Variants in ZSCAN25 observed in about 807,000 individuals in gnomAD.
ZSCAN25 encodes zinc finger and SCAN domain-containing protein 25.
In ZSCAN25, 27 loss-of-function variants were observed where a neutral mutation model predicts 38.7. The observed-to-expected ratio is 0.70, with a 90% CI of 0.51 to 0.96. The LOEUF (loss-of-function observed/expected upper bound fraction) is 0.96, where lower values mean the gene tolerates loss of function less well. Ranked by LOEUF, ZSCAN25 falls within the 40% of genes least tolerant of loss-of-function variation. ZSCAN25 has a pLI of 0.00. For missense variants in ZSCAN25, 637 were observed against 705.9 expected (o/e 0.90, Z 1.11); for synonymous variants, 273 against 277.7 (o/e 0.98, Z 0.17).
chr7:99,714,479 A>C, the ZSCAN25 span: 51 of 1,552,124 alleles, frequency 3.3e-5, no homozygotes, highest in Non-Finnish European at 4.2e-5. Context: ...CATACAGGGA[A>C]GTGCACCGAT....
the ZSCAN25 span, among the ~76,000 whole-genome samples, chr7:99,697,194 A>G: frequency 6.6e-6 from 1 of 152,318 alleles, no homozygotes; most frequent in East Asian, 1.9e-4. Flanking sequence ...TCTGCACATC[A>G]AGTATCTCTG....
the ZSCAN25 span, chr7:99,662,950 C>T: frequency 6.3e-7 from 1 of 1,599,118 alleles, no homozygotes; most frequent in African/African-American, 1.3e-5. The surrounding 1 kb of genome is among the most constrained non-coding windows in gnomAD (Gnocchi z 4.3). Context: ...ATCAAAAGTG[C>T]AGTCCTCAAC....
the ZSCAN25 span, chr7:99,705,556 C>T: frequency 6.2e-7 from 1 of 1,613,654 alleles, no homozygotes. Context: ...ATGGGTTTTT[C>T]TGTTAGAAGA....
chr7:99,711,259 A>G, the ZSCAN25 span, among the ~76,000 whole-genome samples: 1 of 152,210 alleles, frequency 6.6e-6, no homozygotes, highest in African/African-American at 2.4e-5. Flanking sequence ...AATATGGGGT[A>G]GTCTTCTCTC....
chr7:99,657,650 G>GT, the ZSCAN25 span, among the ~76,000 whole-genome samples: 3 of 152,146 alleles, frequency 2.0e-5, no homozygotes, highest in Non-Finnish European at 2.9e-5. Flanking sequence ...TTAACTTTCT[G>GT]TCCTGTTGAT....
the ZSCAN25 span, chr7:99,707,934 A>T: frequency 6.2e-7 from 1 of 1,613,974 alleles, no homozygotes; most frequent in Non-Finnish European, 8.5e-7. Context: ...AAGGGTGTGT[A>T]TATGTAAGGA....
the ZSCAN25 span, among the ~76,000 whole-genome samples, chr7:99,694,540 T>C: frequency 1.3e-5 from 2 of 152,144 alleles, no homozygotes; most frequent in Non-Finnish European, 2.9e-5. Flanking sequence ...CATTTCAGGG[T>C]TGATGTTTTA....
At chr7:99,713,392 A>T in the ZSCAN25 span, 1 of 1,598,098 alleles carries the variant, frequency 6.3e-7, no homozygotes. Flanking sequence ...TACCTGGAAT[A>T]CTTCCTGCAC....
the ZSCAN25 span, among the ~76,000 whole-genome samples, chr7:99,697,830 G>A: frequency 6.6e-6 from 1 of 152,140 alleles, no homozygotes; most frequent in South Asian, 2.1e-4. Context: ...CTGAAACCAG[G>A]GTGGCCTTGG....
rs1003791037 is a variant in ZSCAN25 at position 99,630,902 on chromosome 7, A to G, written c.*882A>G. On this transcript the variant is annotated 3_prime_UTR_variant, in exon 8 of 8. Transcript: ENST00000394152. Reference sequence around the variant, plus strand: ...GTTATAATTAAAATGAGTCTGAAAGATGAACTCTAGTATTAATGCCCTATA... The same window carrying G: ...GTTATAATTAAAATGAGTCTGAAAGGTGAACTCTAGTATTAATGCCCTATA... The G allele has an allele frequency of 3.5e-5, 34 of 980,572 alleles. No individual in the cohort carries two copies. In the Admixed American group the frequency reaches 8.0e-4, roughly 23 times the overall value. 60.7% of individuals were successfully genotyped at this position (980,572 alleles called of 1,614,324 possible).
chr7:99,640,662 G>T, the ZSCAN25 span, among the ~76,000 whole-genome samples: 67 of 152,246 alleles, frequency 4.4e-4, no homozygotes, highest in Non-Finnish European at 7.8e-4. Flanking sequence ...TTCCTGTCCT[G>T]CCTGTTTTCT....
At chr7:99,650,286 T>C in the ZSCAN25 span, 1 of 1,561,720 alleles carries the variant, frequency 6.4e-7, no homozygotes, top group Admixed American at 1.7e-5. Context: ...ACCACAGAGT[T>C]ACATGTTAGG....
chr7:99,630,954 A>G lies in ZSCAN25; in HGVS notation c.*934A>G, dbSNP rs1432261524. On this transcript the variant is annotated 3_prime_UTR_variant, in exon 8 of 8. Transcript: ENST00000394152. ...TTGATGGCACTTTATAGTTCATAAA[A>G]TTAATTTCACCCCATTCTCATTGGA... 4.2e-6 allele frequency: 4 copies of G among 959,064 alleles called. No individual in the cohort carries two copies. The East Asian group carries it at 4.6e-4, about 110-fold the overall frequency. The allele number at this position is 959,064 out of a possible 1,614,324, so 59.4% of individuals were successfully genotyped here.
chr7:99,695,876 T>C, the ZSCAN25 span: 2 of 1,585,932 alleles, frequency 1.3e-6, no homozygotes, highest in Non-Finnish European at 1.7e-6. Flanking sequence ...TCAGGGATTG[T>C]GACTTTATAG....
At chr7:99,622,230 A>G (rs1807040478) in intron 5 of ZSCAN25, 3 of 325,886 alleles carry the variant, frequency 9.2e-6, no homozygotes. Context: ...CAGCCCACGT[A>G]GCTTTATTTT....
At chr7:99,736,792 C>T in the ZSCAN25 span, among the ~76,000 whole-genome samples, 2 of 152,168 alleles carry the variant, frequency 1.3e-5, no homozygotes, top group African/African-American at 4.8e-5. Flanking sequence ...CTGGCCTCAG[C>T]AGGTGAACAT....
the ZSCAN25 span, chr7:99,662,853 A>C: frequency 6.2e-7 from 1 of 1,614,000 alleles, no homozygotes; most frequent in Non-Finnish European, 8.5e-7. This position sits in a 1 kb window ranked among gnomAD's most constrained non-coding sequence, Gnocchi z 4.3. Context: ...TCTGGGAGTC[A>C]ATCATCAGCT....
At chr7:99,653,003 T>A in the ZSCAN25 span, among the ~76,000 whole-genome samples, 1 of 152,280 alleles carries the variant, frequency 6.6e-6, no homozygotes, top group South Asian at 2.1e-4. The surrounding 1 kb of genome is among the most constrained non-coding windows in gnomAD (Gnocchi z 4.2). Flanking sequence ...TTCAAGACCA[T>A]CCTCACCCCA....
the ZSCAN25 span, chr7:99,660,385 C>T: frequency 1.4e-6 from 2 of 1,474,312 alleles, no homozygotes; most frequent in Non-Finnish European, 1.8e-6. Flanking sequence ...TACATTATGT[C>T]AGTGAAGGAA....
Sources: allele counts gnomAD v4.1 joint callset (sites outside exome capture counted in the v4.1 genomes callset), GRCh38; gene constraint gnomAD v4.1.1; non-coding constraint Gnocchi (gnomAD v3.1); transcripts MANE v1.5; gene names NCBI Gene and HGNC (gene_info 2026-07-23, HGNC 2026-07-21).